Variants in PARPBP observed in about 807,000 individuals in gnomAD.
PARPBP encodes PCNA-interacting partner.
PARPBP carries 52 observed loss-of-function variants against 50.0 expected under a neutral mutation model. That is an observed-to-expected ratio of 1.04 (90% CI 0.83 to 1.31). The LOEUF (loss-of-function observed/expected upper bound fraction) is 1.31. Ranked by LOEUF, PARPBP falls within the 50% of genes most tolerant of loss-of-function variation. The probability of loss-of-function intolerance (pLI) is 0.00; values close to 1 mark genes in which losing one functional copy is unlikely to be tolerated. For synonymous variants in PARPBP, 244 were observed against 232.1 expected, an observed-to-expected ratio of 1.05 and a Z score of -0.47; for missense variants, 697 against 672.0, an observed-to-expected ratio of 1.04 and a Z score of -0.41.
At chr12:102,164,079 T>C (rs549448704) in intron 4 of PARPBP, among the ~76,000 whole-genome samples, 3 of 152,318 alleles carry the variant, frequency 2.0e-5, no homozygotes, top group South Asian at 4.1e-4. Flanking sequence ...CTGAGAAATA[T>C]TGTGTTTTCG....
chr12:102,155,059 A>G (rs1280350223), intron 4 of PARPBP: 2 of 300,500 alleles, frequency 6.7e-6, no homozygotes, highest in South Asian at 3.1e-5. Context: ...GAATCTACCT[A>G]TGACCTATAA....
intron 2 of PARPBP, among the ~76,000 whole-genome samples, chr12:102,143,795 A>T (rs1884994655): frequency 1.3e-5 from 2 of 151,982 alleles, no homozygotes; most frequent in South Asian, 4.2e-4. Context: ...TTTGCCTTAA[A>T]TTGTCTTATT....
At chr12:102,143,570 GGGA>G (rs1381360017) in intron 2 of PARPBP, among the ~76,000 whole-genome samples, 1 of 152,160 alleles carries the variant, frequency 6.6e-6, no homozygotes. Flanking sequence ...CGCTCATACT[GGGA>G]GCTGTAGACT....
chr12:102,194,362 T>A (rs1449877730), intron 9 of PARPBP, among the ~76,000 whole-genome samples: 1 of 151,948 alleles, frequency 6.6e-6, no homozygotes, highest in Admixed American at 6.6e-5. Context: ...AAACTTTGTC[T>A]ATGTCAGAAA....
chr12:102,197,305 G>T lies in PARPBP; in HGVS notation c.*1014G>T. 1.2e-6 allele frequency: 1 copy of T among 864,438 alleles called. No homozygotes were observed. Among genetic ancestry groups the T allele is most frequent in the Non-Finnish European group, 1.7e-6 (1 of 572,894 alleles). The allele number at this position is 864,438 out of a possible 1,614,324, so 53.5% of individuals were successfully genotyped here. On this transcript the variant is annotated 3_prime_UTR_variant, in exon 11 of 11. Coordinates refer to ENST00000327680, the MANE Select transcript of PARPBP (RefSeq NM_017915.5). Reference sequence around the variant, plus strand: ...TTGACTTTTTAAAAATACCTTAGATGCAAATTTATAGGAGAAAAAACACTT... The same window carrying T: ...TTGACTTTTTAAAAATACCTTAGATTCAAATTTATAGGAGAAAAAACACTT...
In PARPBP at chr12:102,195,950, G is replaced by A; in HGVS notation, c.1400-1G>A. On this transcript the variant is annotated splice_acceptor_variant, in intron 10 of 10. Coordinates refer to ENST00000327680, the MANE Select transcript of PARPBP (RefSeq NM_017915.5). LOFTEE classifies it high-confidence loss of function. ...TTTCCCCTTTTTATCTTGCATAACA[G>A]AGGGTGTAAATCCATCTGTTGGAAG... 1 of 1,563,542 alleles carries A rather than the reference G, an allele frequency of 6.4e-7. No individual in the cohort carries two copies. The highest frequency in any genetic ancestry group is 8.7e-7 in the Non-Finnish European group (1 of 1,153,386).
intron 4 of PARPBP, among the ~76,000 whole-genome samples, chr12:102,164,224 C>T (rs1887890822): frequency 6.6e-6 from 1 of 152,102 alleles, no homozygotes. Context: ...TAGGTCTCCC[C>T]TCTGCCTGCC....
At chr12:102,124,595 G>C (rs962754218) in intron 2 of PARPBP, among the ~76,000 whole-genome samples, 9 of 152,156 alleles carry the variant, frequency 5.9e-5, no homozygotes, top group Non-Finnish European at 4.4e-5. Context: ...TGTGATATTA[G>C]ATAGATTTTA....
At chr12:102,143,027 A>G (rs1884855426) in intron 2 of PARPBP, among the ~76,000 whole-genome samples, 1 of 152,180 alleles carries the variant, frequency 6.6e-6, no homozygotes, top group African/African-American at 2.4e-5. Flanking sequence ...GCTGCCAGAC[A>G]GGATGTTTAA....
At chr12:102,182,674 T>G (rs1340915565) in intron 9 of PARPBP, 47 bp downstream of exon 9, 5 of 1,234,072 alleles carry the variant, frequency 4.1e-6, no homozygotes, top group Non-Finnish European at 5.9e-6. Context: ...TGTTTTATTT[T>G]TAGAAGAAAT....
In PARPBP at chr12:102,178,355, C is replaced by T. The variant is rs570387884; in HGVS notation, c.1006-237C>T. ...GACTCAAAGCCTAATGTTATTTTGA[C>T]CAGAACCTAATGTCTTCTTTTGATG... On this transcript the variant is annotated intron_variant, in intron 7 of 10. Transcript: ENST00000327680. Among the ~76,000 whole-genome samples, 37 of 152,266 alleles carry T rather than the reference C, an allele frequency of 2.4e-4. No individual in the cohort carries two copies. The South Asian group carries it at 7.5e-3, about 31-fold the overall frequency.
intron 4 of PARPBP, among the ~76,000 whole-genome samples, chr12:102,162,952 TTA>T (rs1887756471): frequency 6.6e-6 from 1 of 152,242 alleles, no homozygotes; most frequent in East Asian, 1.9e-4. Flanking sequence ...AGATTTTCTA[TTA>T]TGTTTTCTTT....
intron 2 of PARPBP, among the ~76,000 whole-genome samples, chr12:102,128,361 A>G (rs531642316): frequency 1.3e-5 from 2 of 152,126 alleles, no homozygotes; most frequent in South Asian, 4.1e-4. Flanking sequence ...CCTCCCTAGT[A>G]GCTGGGACTG....
intron 2 of PARPBP, among the ~76,000 whole-genome samples, chr12:102,126,087 G>A (rs184969034): frequency 4.5e-4 from 68 of 152,300 alleles, no homozygotes; most frequent in Non-Finnish European, 8.2e-4. Context: ...CTTCCACTGG[G>A]CAGATTGTTT....
chr12:102,143,363 G>A (rs928408319), intron 2 of PARPBP, among the ~76,000 whole-genome samples: 5 of 152,152 alleles, frequency 3.3e-5, no homozygotes, highest in East Asian at 1.9e-4. Context: ...GGAGTGTCCC[G>A]ATTTTCCAGG....
chr12:102,155,941 A>G (rs780082960), intron 4 of PARPBP, among the ~76,000 whole-genome samples: 1 of 152,142 alleles, frequency 6.6e-6, no homozygotes, highest in East Asian at 1.9e-4. Context: ...GCTGAACACT[A>G]GTCGCTGGGT....
chr12:102,173,763 A>G (rs1424277427), intron 6 of PARPBP, among the ~76,000 whole-genome samples: 2 of 151,602 alleles, frequency 1.3e-5, no homozygotes, highest in Non-Finnish European at 2.9e-5. Context: ...CAGTGTTACT[A>G]GAGATGTTTG....
At chr12:102,188,297 G>T in intron 9 of PARPBP, among the ~76,000 whole-genome samples, 1 of 151,690 alleles carries the variant, frequency 6.6e-6, no homozygotes, top group East Asian at 1.9e-4. Context: ...GCCATATTTG[G>T]AAATAAAGTG....
intron 10 of PARPBP, 23 bp downstream of exon 10, chr12:102,195,470 T>C (rs772559712): frequency 1.2e-5 from 18 of 1,545,516 alleles, no homozygotes; most frequent in Non-Finnish European, 1.5e-5. Context: ...ATTTGTGCAA[T>C]TAAATAACAA....
Sources: gnomAD v4.1 joint callset for allele counts (sites outside exome capture counted in the v4.1 genomes callset) on GRCh38, gnomAD v4.1.1 for gene constraint, MANE v1.5 for transcripts, NCBI Gene and HGNC (gene_info 2026-07-23, HGNC 2026-07-21) for gene names.